COL21A1: variants seen among roughly 807,000 people sequenced by gnomAD.
COL21A1 encodes collagen alpha-1(XXI) chain.
A neutral mutation model predicts 137.9 loss-of-function variants in COL21A1; 149 were observed. The ratio of observed to expected loss-of-function variants is 1.08; its 90% CI spans 0.95 to 1.24. The LOEUF (loss-of-function observed/expected upper bound fraction) is 1.24, where lower values mean the gene tolerates loss of function less well. COL21A1 is among the 50% of genes most tolerant of loss of function. COL21A1 has a pLI of 0.00. For synonymous variants in COL21A1, 456 were observed against 391.5 expected (o/e 1.16, Z -1.95); for missense variants, 1,167 against 1,158.4 (o/e 1.01, Z -0.11).
At chr6:56,110,187 A>T (rs992152249) in intron 16 of COL21A1, among the ~76,000 whole-genome samples, 1 of 151,938 alleles carries the variant, frequency 6.6e-6, no homozygotes, top group Non-Finnish European at 1.5e-5. Flanking sequence ...ACATACAAAA[A>T]TCAATGTTGT....
intron 1 of COL21A1, among the ~76,000 whole-genome samples, chr6:56,327,513 C>T (rs2152343008): frequency 6.6e-6 from 1 of 152,036 alleles, no homozygotes; most frequent in Non-Finnish European, 1.5e-5. Flanking sequence ...GGCCATTTTT[C>T]CAGATGCCTA....
At chr6:56,134,372 T>TA in intron 12 of COL21A1, among the ~76,000 whole-genome samples, 1 of 152,340 alleles carries the variant, frequency 6.6e-6, no homozygotes, top group African/African-American at 2.4e-5. Context: ...TGGGAGTATT[T>TA]ATCCAATGCC....
chr6:56,228,702 G>A (rs538266921), intron 1 of COL21A1, among the ~76,000 whole-genome samples: 12 of 151,728 alleles, frequency 7.9e-5, no homozygotes, highest in South Asian at 2.1e-4. Flanking sequence ...TGCAACTGAC[G>A]CTAAGCAGAG....
At chr6:56,347,517 T>TA (rs373385667) in intron 1 of COL21A1, among the ~76,000 whole-genome samples, 66,264 of 126,902 alleles carry the variant, frequency 0.52, 17,103 homozygotes, top group East Asian at 0.79. Context: ...AGGAAGCATT[T>TA]AAAAAAAAAA....
chr6:56,179,855 C>A lies in COL21A1; in HGVS notation c.363G>T (p.Gln121His). 1 of 1,613,964 alleles carries A rather than the reference C, an allele frequency of 6.2e-7. No homozygotes were observed. Among genetic ancestry groups the A allele is most frequent in the Non-Finnish European group, 8.5e-7 (1 of 1,179,874 alleles). Reference sequence around the variant, plus strand: ...TGGCAAAAAGGTAATCGAGCGCAAACTGGATGGCCTTCCCTGTCTTTGTGT... The same window carrying A: ...TGGCAAAAAGGTAATCGAGCGCAAAATGGATGGCCTTCCCTGTCTTTGTGT... ...GGNTKTGKAI[Q>H]FALDYLFAKS... The change falls in exon 3 of 30, where the codon CAG becomes CAT. Residue 121 changes from glutamine to histidine, a missense_variant. Transcript: ENST00000244728.
At chr6:56,120,030 T>C (rs1241863675) in intron 16 of COL21A1, among the ~76,000 whole-genome samples, 3 of 152,188 alleles carry the variant, frequency 2.0e-5, no homozygotes, top group Non-Finnish European at 4.4e-5. Flanking sequence ...CTTACAACCA[T>C]AGGTAACCCA....
intron 17 of COL21A1, among the ~76,000 whole-genome samples, chr6:56,098,725 A>G (rs1463912956): frequency 1.7e-5 from 2 of 115,332 alleles, no homozygotes; most frequent in Admixed American, 1.3e-4. Context: ...ATAAATATAT[A>G]TATATTTTGA....
chr6:56,216,499 T>G (rs4126556), intron 1 of COL21A1, among the ~76,000 whole-genome samples: 95,983 of 151,800 alleles, frequency 0.63, 30,649 homozygotes, highest in East Asian at 0.86. Flanking sequence ...GGATAACTTT[T>G]AAATGTGCTG....
chr6:56,360,756 C>A (rs1369669410), intron 1 of COL21A1, among the ~76,000 whole-genome samples: 1 of 152,152 alleles, frequency 6.6e-6, no homozygotes, highest in Non-Finnish European at 1.5e-5. Flanking sequence ...CAACAACCCT[C>A]ACCTTTTTTC....
intron 1 of COL21A1, among the ~76,000 whole-genome samples, chr6:56,238,365 G>C (rs1782045319): frequency 1.3e-5 from 2 of 150,114 alleles, no homozygotes; most frequent in Non-Finnish European, 3.0e-5. Flanking sequence ...AGCAAATCTG[G>C]ACTGCAGAAG....
intron 17 of COL21A1, among the ~76,000 whole-genome samples, chr6:56,080,426 C>T (rs1767647771): frequency 6.6e-6 from 1 of 151,702 alleles, no homozygotes; most frequent in African/African-American, 2.4e-5. Context: ...CCATTTAAAC[C>T]ACTGCTGTAC....
chr6:56,317,826 T>A (rs1163155984), intron 1 of COL21A1, among the ~76,000 whole-genome samples: 1 of 152,162 alleles, frequency 6.6e-6, no homozygotes, highest in Non-Finnish European at 1.5e-5. Context: ...CCACCTTCCT[T>A]CACCTACTTG....
chr6:56,325,661 TTA>T (rs1408614140), intron 1 of COL21A1, among the ~76,000 whole-genome samples: 11 of 784 alleles, frequency 0.014, 2 homozygotes, highest in Non-Finnish European at 0.045. Context: ...ATATTATATA[TTA>T]AATATATTAT....
At chr6:56,231,682 T>C (rs899349928) in intron 1 of COL21A1, among the ~76,000 whole-genome samples, 1 of 151,820 alleles carries the variant, frequency 6.6e-6, no homozygotes, top group African/African-American at 2.4e-5. Flanking sequence ...AAAAAAGTCA[T>C]TCAGTTTCAT....
intron 16 of COL21A1, among the ~76,000 whole-genome samples, chr6:56,107,824 G>A (rs573036400): frequency 1.3e-5 from 2 of 152,222 alleles, no homozygotes; most frequent in South Asian, 4.1e-4. Context: ...TGGTAAAGGT[G>A]CTGGTGACAA....
intron 1 of COL21A1, among the ~76,000 whole-genome samples, chr6:56,190,118 C>CA (rs1778560415): frequency 6.6e-6 from 1 of 151,954 alleles, no homozygotes. Context: ...GAAATAGAGA[C>CA]ACAAAAAACC....
At chr6:56,178,121 GAACA>G (rs2152279295) in intron 3 of COL21A1, among the ~76,000 whole-genome samples, 1 of 152,118 alleles carries the variant, frequency 6.6e-6, no homozygotes, top group Non-Finnish European at 1.5e-5. Flanking sequence ...AGCAAATATT[GAACA>G]AACATTTTAT....
At chr6:56,263,604 A>G (rs1262293899) in intron 1 of COL21A1, among the ~76,000 whole-genome samples, 8 of 152,250 alleles carry the variant, frequency 5.3e-5, no homozygotes, top group Non-Finnish European at 1.2e-4. Context: ...AACAATGCCC[A>G]CAGTCAGGGA....
In COL21A1 at chr6:56,268,783, C is replaced by G. The variant is rs896796313; in HGVS notation, c.-38-86127G>C. Among the ~76,000 whole-genome samples, 3 of 152,310 alleles carry G rather than the reference C, an allele frequency of 2.0e-5. No individual in the cohort carries two copies. In the Middle Eastern group the frequency reaches 0.01, roughly 522 times the overall value. ...TATCCACCCAGCAGTCGTTCTTAAT[C>G]AGAATGATATGATAGACATAGAATT... is the stretch of plus-strand genomic sequence containing the variant. On this transcript the variant is annotated intron_variant, in intron 1 of 28. Transcript: ENST00000370819.
Sources: gnomAD v4.1 joint callset for allele counts (sites outside exome capture counted in the v4.1 genomes callset) on GRCh38, gnomAD v4.1.1 for gene constraint, MANE v1.5 for transcripts, NCBI Gene and HGNC (gene_info 2026-07-23, HGNC 2026-07-21) for gene names.